The following USH2A variants were observed in gnomAD, a reference collection of about 807,000 sequenced individuals.
The protein encoded by USH2A is usherin.
USH2A carries 443 observed loss-of-function variants against 538.9 expected under a neutral mutation model. The ratio of observed to expected loss-of-function variants is 0.82; its 90% CI spans 0.76 to 0.89. USH2A has a LOEUF of 0.89. Ranked by LOEUF, USH2A falls within the 40% of genes least tolerant of loss-of-function variation. The pLI, the probability that USH2A is intolerant of heterozygous loss-of-function variation, is 0.00. For missense variants in USH2A, 6,633 were observed against 6,324.8 expected (o/e 1.05, Z -1.65); for synonymous variants, 2,413 against 2,273.5 (o/e 1.06, Z -1.75).
intron 64 of USH2A, among the ~76,000 whole-genome samples, chr1:215,667,105 A>G (rs368291620): frequency 2.6e-5 from 4 of 152,168 alleles, no homozygotes; most frequent in East Asian, 3.9e-4. Flanking sequence ...AAGAAAAAAA[A>G]TACTGGTTGC....
chr1:215,643,113 G>A (rs1319069169), intron 67 of USH2A, among the ~76,000 whole-genome samples: 4 of 151,828 alleles, frequency 2.6e-5, no homozygotes, highest in African/African-American at 7.3e-5. Flanking sequence ...CTCACTACTC[G>A]GCCTCCCAAG....
chr1:215,631,058 T>G (rs937629955), intron 70 of USH2A, among the ~76,000 whole-genome samples: 3 of 152,132 alleles, frequency 2.0e-5, no homozygotes, highest in Admixed American at 2.0e-4. Context: ...CAAAAGACAC[T>G]CTCATTCCTT....
intron 49 of USH2A, 58 bp downstream of exon 49, chr1:215,813,678 A>T: frequency 6.2e-7 from 1 of 1,606,546 alleles, no homozygotes; most frequent in East Asian, 2.2e-5. Context: ...GACATGAACC[A>T]CGTGTTTATG....
chr1:216,366,854 G>T (rs1239188081), intron 3 of USH2A, among the ~76,000 whole-genome samples: 1 of 151,932 alleles, frequency 6.6e-6, no homozygotes, highest in Non-Finnish European at 1.5e-5. Context: ...TGGGTAGTAG[G>T]GCTGCATTTT....
chr1:215,800,770 A>G (rs139839522), intron 49 of USH2A, among the ~76,000 whole-genome samples: 2 of 152,310 alleles, frequency 1.3e-5, no homozygotes, highest in East Asian at 3.9e-4. Context: ...CCAAAAATCC[A>G]TCTCACTAGA....
rs757913773 is a variant in USH2A at position 216,246,595 on chromosome 1, C to T, written c.2799G>A (p.Gln933=). 3 of 1,614,052 alleles carry T rather than the reference C, an allele frequency of 1.9e-6. No homozygotes were observed. In the Admixed American group the frequency reaches 5.0e-5, roughly 27 times the overall value. The change falls in exon 13 of 72, where the codon CAG becomes CAA. Residue 933 remains glutamine (Q), a synonymous_variant. Transcript: ENST00000307340. The part of the protein sequence containing the change: ...VPNRQGRRCN[Q]CQPGFYISPG... The stretch of plus-strand genomic sequence containing the variant: ...ACATTTCTTTCTTACCTGGTTGACA[C>T]TGATTACACCTTCTTCCTTGACGAT...
At chr1:215,906,097 C>T (rs1249876885) in intron 38 of USH2A, among the ~76,000 whole-genome samples, 2 of 152,002 alleles carry the variant, frequency 1.3e-5, no homozygotes, top group African/African-American at 4.8e-5. Context: ...TTTCCAGTCA[C>T]TAAACCATAT....
rs149510671 is a variant in USH2A at position 216,025,760 on chromosome 1, G to A, written c.6325+20671C>T. On this transcript the variant is annotated intron_variant, in intron 32 of 71. Transcript: ENST00000307340. ...AACTTTATAGCAATGATTCAGCTGAGGGGAAATCTCTTAAAATTATCTATA... is the reference window on the plus strand; with the variant it reads ...AACTTTATAGCAATGATTCAGCTGAAGGGAAATCTCTTAAAATTATCTATA... Among the ~76,000 whole-genome samples the A allele has an allele frequency of 4.0e-3, 611 of 152,066 alleles. 5 individuals are homozygous for A. Among genetic ancestry groups the A allele is most frequent in the African/African-American group, 0.014 (566 of 41,520 alleles).
intron 12 of USH2A, 57 bp downstream of exon 12, chr1:216,250,846 G>A (rs375126104): frequency 6.4e-7 from 1 of 1,573,138 alleles, no homozygotes; most frequent in Admixed American, 1.8e-5. Flanking sequence ...ATCAAATAGA[G>A]AATTTTATTC....
intron 45 of USH2A, among the ~76,000 whole-genome samples, chr1:215,844,846 G>C (rs4143467): frequency 3.9e-5 from 6 of 151,922 alleles, no homozygotes; most frequent in Non-Finnish European, 8.8e-5. Flanking sequence ...AGGTGCAGGG[G>C]AGGGAGGGAA....
intron 21 of USH2A, chr1:216,174,900 T>C: frequency 8.9e-7 from 1 of 1,120,764 alleles, no homozygotes; most frequent in South Asian, 2.3e-5. Flanking sequence ...TCCAATAGCA[T>C]GAGGGCATTT....
rs542789483 is a variant in USH2A at position 215,827,266 on chromosome 1, A to C, written c.9372-10071T>G. 2.0e-5 allele frequency among the ~76,000 whole-genome samples: 3 copies of C among 152,268 alleles called. No homozygotes were observed. The South Asian group carries it at 6.2e-4, about 32-fold the overall frequency. ...GAACCAATAAAAACAAAACAAAACA[A>C]TGAATGTTTAGAGAACCAGGGACAA... is the stretch of plus-strand genomic sequence containing the variant. On this transcript the variant is annotated intron_variant, in intron 47 of 71. Transcript: ENST00000307340.
chr1:216,339,646 C>T (rs2038037505), intron 4 of USH2A, among the ~76,000 whole-genome samples: 1 of 151,856 alleles, frequency 6.6e-6, no homozygotes, highest in South Asian at 2.1e-4. Flanking sequence ...TCTCAGACCA[C>T]AATGCAATCA....
intron 14 of USH2A, among the ~76,000 whole-genome samples, chr1:216,228,766 C>A (rs943202499): frequency 1.3e-5 from 2 of 152,126 alleles, no homozygotes; most frequent in Non-Finnish European, 2.9e-5. Context: ...AAAAGTGCGA[C>A]CATTTCCAAG....
At chr1:216,063,216 C>T (rs2031242133) in intron 30 of USH2A, among the ~76,000 whole-genome samples, 1 of 152,192 alleles carries the variant, frequency 6.6e-6, no homozygotes, top group Non-Finnish European at 1.5e-5. Flanking sequence ...AAAACAGCTG[C>T]CTCAAAACAA....
At position 215,622,959 on chromosome 1, in the gene USH2A, G is replaced by C. The variant is rs1395855719; in HGVS notation, c.*2822C>G. 5 of 152,004 alleles carry C rather than the reference G, an allele frequency of 3.3e-5. No homozygotes were observed. In the East Asian group the frequency reaches 9.7e-4, roughly 29 times the overall value. The allele number at this position is 152,004 out of a possible 1,614,324, so 9.4% of individuals were successfully genotyped here. On this transcript the variant is annotated 3_prime_UTR_variant, in exon 72 of 72. Coordinates refer to ENST00000307340, the MANE Select transcript of USH2A (RefSeq NM_206933.4). ...TAGTTTACATGATATTTGTGCATTG[G>C]AAACCAACTATTCATTTGTGACATA... is the stretch of plus-strand genomic sequence containing the variant.
intron 55 of USH2A, among the ~76,000 whole-genome samples, chr1:215,774,446 G>A (rs564105435): frequency 1.3e-5 from 2 of 151,502 alleles, no homozygotes; most frequent in South Asian, 2.1e-4. Context: ...TAGTCTTAAT[G>A]TTGATGTATA....
At chr1:215,808,247 T>G (rs1022844667) in intron 49 of USH2A, among the ~76,000 whole-genome samples, 1 of 152,130 alleles carries the variant, frequency 6.6e-6, no homozygotes, top group Non-Finnish European at 1.5e-5. Flanking sequence ...GCTATCTTAC[T>G]GTTCTACTAA....
intron 55 of USH2A, among the ~76,000 whole-genome samples, chr1:215,774,230 G>A (rs1661391135): frequency 6.6e-6 from 1 of 152,096 alleles, no homozygotes; most frequent in Non-Finnish European, 1.5e-5. Flanking sequence ...CTTGCTATAA[G>A]CTAACTTGCG....
Sources: gnomAD v4.1 joint callset for allele counts (sites outside exome capture counted in the v4.1 genomes callset) on GRCh38, gnomAD v4.1.1 for gene constraint, MANE v1.5 for transcripts, NCBI Gene and HGNC (gene_info 2026-07-23, HGNC 2026-07-21) for gene names.